The following COLQ variants were observed in gnomAD, a reference collection of about 807,000 sequenced individuals.
COLQ encodes acetylcholinesterase collagenic tail peptide.
In COLQ, 48 loss-of-function variants were observed where a neutral mutation model predicts 69.0. The observed-to-expected ratio is 0.70, with a 90% confidence interval of 0.55 to 0.88. The LOEUF is 0.88. Among genes scored for constraint, COLQ ranks in the 40% least tolerant of loss-of-function variants. The pLI, the probability that COLQ is intolerant of heterozygous loss-of-function variation, is 0.00. For synonymous variants in COLQ, 217 were observed against 211.2 expected, an observed-to-expected ratio of 1.03 and a Z score of -0.24; for missense variants, 618 against 594.6, an observed-to-expected ratio of 1.04 and a Z score of -0.41.
rs1178775508 is a variant in COLQ at position 15,477,276 on chromosome 3, C to T, written c.394-79G>A. ...AATAAATATGTTTTGTCTCTGGGGC[C>T]CAGAGGAGACAGTGGGTTCTCTAGG... On this transcript the variant is annotated intron_variant, in intron 5 of 16. Coordinates refer to ENST00000383788, the MANE Select transcript of COLQ (RefSeq NM_005677.4). 3.0e-6 allele frequency: 4 copies of T among 1,350,196 alleles called. No homozygotes were observed. In the South Asian group the frequency reaches 5.0e-5, roughly 17 times the overall value. 83.6% of individuals were successfully genotyped at this position (1,350,196 alleles called of 1,614,324 possible). A position where few individuals can be genotyped will look rare whatever the true frequency, so the allele number is the denominator to read the frequency against.
chr3:15,450,891 G>A lies in COLQ; in HGVS notation c.*753C>T. ...TGAGACAGGGGGCAAAGTGCAGAGA[G>A]AGCCAAGAGGTCAAGATGGTGCCAG... On this transcript the variant is annotated 3_prime_UTR_variant, in exon 17 of 17. Coordinates refer to ENST00000383788, the MANE Select transcript of COLQ (RefSeq NM_005677.4). 6.5e-6 allele frequency: 1 copy of A among 152,746 alleles called. No individual in the cohort carries two copies. Among genetic ancestry groups the A allele is most frequent in the East Asian group, 1.9e-4 (1 of 5,204 alleles). The allele number at this position is 152,746 out of a possible 1,614,324, so 9.5% of individuals were successfully genotyped here.
intron 1 of COLQ, among the ~76,000 whole-genome samples, chr3:15,520,087 G>C (rs1032352716): frequency 2.6e-5 from 4 of 152,200 alleles, no homozygotes; most frequent in Non-Finnish European, 4.4e-5. Flanking sequence ...ACCTTCAGCA[G>C]ATTCTCAAAG....
At chr3:15,498,841 G>A in intron 1 of COLQ, 1 of 1,421,562 alleles carries the variant, frequency 7.0e-7, no homozygotes, top group African/African-American at 1.4e-5. Context: ...AGGCTTGGAG[G>A]ACAAGAGTGC....
intron 12 of COLQ, among the ~76,000 whole-genome samples, chr3:15,464,845 A>G (rs1478863321): frequency 6.6e-6 from 1 of 152,210 alleles, no homozygotes; most frequent in African/African-American, 2.4e-5. Context: ...AAGGGAACGA[A>G]ATAAAGGGCT....
intron 14 of COLQ, 90 bp from the exon 15 acceptor site, chr3:15,456,109 T>C: frequency 6.8e-7 from 1 of 1,464,598 alleles, no homozygotes; most frequent in South Asian, 1.2e-5. Context: ...CCAAAGGCAC[T>C]GCTGGGGGGC....
intron 3 of COLQ, among the ~76,000 whole-genome samples, chr3:15,483,565 G>A (rs1290060450): frequency 6.6e-6 from 1 of 152,240 alleles, no homozygotes; most frequent in Non-Finnish European, 1.5e-5. Flanking sequence ...TGATTGCACT[G>A]TGGTCTGAGA....
At position 15,458,291 on chromosome 3, in the gene COLQ, T is replaced by C. The variant is rs1300166809; in HGVS notation, c.849A>G (p.Gly283=). 1 of 1,614,104 alleles carries C rather than the reference T, an allele frequency of 6.2e-7. No homozygotes were observed. The highest frequency in any genetic ancestry group is 8.5e-7 in the Non-Finnish European group (1 of 1,180,002). The change falls in exon 13 of 17, where the codon GGA becomes GGG. Residue 283 remains glycine (G), a synonymous_variant. Coordinates refer to ENST00000383788, the MANE Select transcript of COLQ (RefSeq NM_005677.4). ...QLIMGPKGER[G]FPGPPGRCLC... ...GACATCTTCCTGGAGGCCCGGGAAA[T>C]CCTCTTTCCCCTTTGGGTCCCATTA...
intron 1 of COLQ, chr3:15,498,384 A>G (rs2062779612): frequency 2.0e-6 from 2 of 997,312 alleles, no homozygotes; most frequent in Non-Finnish European, 2.9e-6. Context: ...AAAAACTTAA[A>G]AAGAAAAAAA....
intron 1 of COLQ, among the ~76,000 whole-genome samples, chr3:15,509,873 C>T (rs2062959936): frequency 6.6e-6 from 1 of 152,172 alleles, no homozygotes; most frequent in South Asian, 2.1e-4. Context: ...ATCTTCAGCA[C>T]CGAATAAGAG....
At chr3:15,477,405 A>T (rs1039731976) in intron 5 of COLQ, 5 of 569,714 alleles carry the variant, frequency 8.8e-6, no homozygotes, top group African/African-American at 1.9e-5. Flanking sequence ...TTCTCAAGAA[A>T]TGGAGGGTGG....
chr3:15,500,071 G>A (rs2062810790), intron 1 of COLQ, among the ~76,000 whole-genome samples: 1 of 152,164 alleles, frequency 6.6e-6, no homozygotes, highest in Non-Finnish European at 1.5e-5. Flanking sequence ...AATGGGTAAC[G>A]GTTGAGGGGT....
chr3:15,480,993 G>C (rs1483096624), intron 3 of COLQ, among the ~76,000 whole-genome samples: 1 of 152,186 alleles, frequency 6.6e-6, no homozygotes, highest in Non-Finnish European at 1.5e-5. Flanking sequence ...AGAAGTGTCT[G>C]TTCATACACT....
Position 15,470,619 on chromosome 3 carries a change from G to A in COLQ, c.637-3C>T. 1 of 1,613,910 alleles carries A rather than the reference G, an allele frequency of 6.2e-7. No homozygotes were observed. Among genetic ancestry groups the A allele is most frequent in the African/African-American group, 1.3e-5 (1 of 75,000 alleles). ...TCACCTTTTGGACCCATTTCACCCT[G>A]GAAAGAAGGAAAGAGAAGCAAGAGA... On this transcript the variant is annotated splice_polypyrimidine_tract_variant and splice_region_variant and intron_variant, in intron 10 of 16. Transcript: ENST00000383788.
chr3:15,456,037 C>G lies in COLQ; in HGVS notation c.1075-18G>C. 1 of 1,613,870 alleles carries G rather than the reference C, an allele frequency of 6.2e-7. No homozygotes were observed. The highest frequency in any genetic ancestry group is 8.5e-7 in the Non-Finnish European group (1 of 1,179,898). On this transcript the variant is annotated intron_variant, in intron 14 of 16. Coordinates refer to ENST00000383788, the MANE Select transcript of COLQ (RefSeq NM_005677.4). ...GGGGTCAGCTGGCCAAAGAAGCACACAGCATTAACTGGAGCATGGCATACC... is the reference window on the plus strand; with the variant it reads ...GGGGTCAGCTGGCCAAAGAAGCACAGAGCATTAACTGGAGCATGGCATACC...
At chr3:15,514,616 G>T (rs754810460) in intron 1 of COLQ, among the ~76,000 whole-genome samples, 29 of 152,178 alleles carry the variant, frequency 1.9e-4, no homozygotes, top group Non-Finnish European at 7.3e-5. Flanking sequence ...GCTGTAGTTT[G>T]AGACTCTCTG....
intron 1 of COLQ, among the ~76,000 whole-genome samples, chr3:15,504,063 A>T (rs2062869593): frequency 6.6e-6 from 1 of 152,122 alleles, no homozygotes; most frequent in African/African-American, 2.4e-5. Flanking sequence ...GGGTTCAATC[A>T]GGTGTGCTGG....
Position 15,456,442 on chromosome 3 carries a change from G to A in COLQ, c.1074+18C>T, listed in dbSNP as rs1279754194. On this transcript the variant is annotated intron_variant, in intron 14 of 16. Transcript: ENST00000383788. ...TCCTGGGCAGGGAGTATGTCCTGAGGTAATGGCCTGGGGGTACCTGGATGG... is the reference window on the plus strand; with the variant it reads ...TCCTGGGCAGGGAGTATGTCCTGAGATAATGGCCTGGGGGTACCTGGATGG... 1 of 1,613,808 alleles carries A rather than the reference G, an allele frequency of 6.2e-7. No individual in the cohort carries two copies. The highest frequency in any genetic ancestry group is 1.1e-5 in the South Asian group (1 of 91,064).
intron 3 of COLQ, among the ~76,000 whole-genome samples, chr3:15,479,697 A>G (rs1356106872): frequency 6.6e-6 from 1 of 152,230 alleles, no homozygotes; most frequent in African/African-American, 2.4e-5. Flanking sequence ...TGAGAGCAAC[A>G]AAAGAGTCTT....
intron 12 of COLQ, among the ~76,000 whole-genome samples, chr3:15,464,598 A>T (rs1312462338): frequency 1.3e-5 from 2 of 152,212 alleles, no homozygotes; most frequent in Non-Finnish European, 2.9e-5. Flanking sequence ...ACAAAATATG[A>T]CATTTCTTGC....
Sources: gnomAD v4.1 joint callset for allele counts (sites outside exome capture counted in the v4.1 genomes callset) on GRCh38, gnomAD v4.1.1 for gene constraint, MANE v1.5 for transcripts, NCBI Gene and HGNC (gene_info 2026-07-23, HGNC 2026-07-21) for gene names.